AP3B1: variants seen among roughly 807,000 people sequenced by gnomAD.
AP3B1 encodes adaptor related protein complex 3 subunit beta 1.
A neutral mutation model predicts 132.5 loss-of-function variants in AP3B1; 61 were observed. That is an observed-to-expected ratio of 0.46 (90% CI 0.37 to 0.57). The LOEUF (loss-of-function observed/expected upper bound fraction) is 0.57, where lower values mean the gene tolerates loss of function less well. Ranked by LOEUF, AP3B1 falls within the 20% of genes least tolerant of loss-of-function variation. The pLI, the probability that AP3B1 is intolerant of heterozygous loss-of-function variation, is 0.00. For synonymous variants in AP3B1, 388 were observed against 438.3 expected, an observed-to-expected ratio of 0.89 and a Z score of 1.43; for missense variants, 1,120 against 1,289.4, an observed-to-expected ratio of 0.87 and a Z score of 2.01.
chr5:78,178,166 T>C (rs1326109841), intron 8 of AP3B1, among the ~76,000 whole-genome samples: 1 of 152,212 alleles, frequency 6.6e-6, no homozygotes, highest in African/African-American at 2.4e-5. Context: ...GAAGCCAGGA[T>C]AACAGTAACT....
At chr5:78,183,300 G>A (rs1305223084) in intron 7 of AP3B1, among the ~76,000 whole-genome samples, 1 of 152,134 alleles carries the variant, frequency 6.6e-6, no homozygotes, top group Non-Finnish European at 1.5e-5. Flanking sequence ...CCCTGCTAGA[G>A]TGGTATCAAA....
At chr5:78,279,163 A>G (rs1580585147) in intron 1 of AP3B1, among the ~76,000 whole-genome samples, 1 of 152,234 alleles carries the variant, frequency 6.6e-6, no homozygotes, top group African/African-American at 2.4e-5. Context: ...GAAAGGATAC[A>G]TAAGAACTTG....
intron 24 of AP3B1, among the ~76,000 whole-genome samples, chr5:78,030,072 T>A (rs544456184): frequency 6.6e-6 from 1 of 152,202 alleles, no homozygotes; most frequent in Non-Finnish European, 1.5e-5. Flanking sequence ...TATACGTTGA[T>A]AAATTTCGTA....
At chr5:78,037,085 G>A (rs1408104369) in intron 23 of AP3B1, among the ~76,000 whole-genome samples, 2 of 151,992 alleles carry the variant, frequency 1.3e-5, no homozygotes, top group African/African-American at 4.8e-5. Flanking sequence ...CTGAGGCAAT[G>A]GTAAACATTC....
In AP3B1 at chr5:78,010,342, C is replaced by T. The variant is rs75909355; in HGVS notation, c.3131+5068G>A. Among the ~76,000 whole-genome samples the T allele has an allele frequency of 2.6e-3, 392 of 152,298 alleles. 2 individuals are homozygous for T. The highest frequency in any genetic ancestry group is 8.2e-3 in the African/African-American group (339 of 41,562). Reference sequence around the variant, plus strand: ...GACTTCGGAACATTTGCCTTCCAACCACTTGGAGTGCTGCCTAAAATAGAG... The same window carrying T: ...GACTTCGGAACATTTGCCTTCCAACTACTTGGAGTGCTGCCTAAAATAGAG... On this transcript the variant is annotated intron_variant, in intron 26 of 26. Transcript: ENST00000255194.
intron 17 of AP3B1, among the ~76,000 whole-genome samples, chr5:78,116,844 T>G (rs1751860024): frequency 6.6e-6 from 1 of 152,004 alleles, no homozygotes; most frequent in South Asian, 2.1e-4. Flanking sequence ...GCAAACAAAC[T>G]TTGCAAAACA....
intron 2 of AP3B1, among the ~76,000 whole-genome samples, chr5:78,257,753 T>C (rs112048742): frequency 0.036 from 5,436 of 151,812 alleles, 163 homozygotes; most frequent in East Asian, 0.13. Context: ...AGGAATCACA[T>C]TACCTGACTT....
intron 15 of AP3B1, among the ~76,000 whole-genome samples, chr5:78,140,298 G>C (rs1476644741): frequency 6.6e-6 from 1 of 152,110 alleles, no homozygotes; most frequent in Non-Finnish European, 1.5e-5. Context: ...CTACTTAGCA[G>C]AGCATACAAG....
At position 78,177,443 on chromosome 5, in the gene AP3B1, G is replaced by C; in HGVS notation, c.943-7C>G. 4 of 1,604,546 alleles carry C rather than the reference G, an allele frequency of 2.5e-6. No individual in the cohort carries two copies. In the South Asian group the frequency reaches 4.4e-5, roughly 18 times the overall value. ...GAGCAACTGCCATAACCACCTACAA[G>C]ATAAAGCATAAAAATAACAGAACTA... On this transcript the variant is annotated splice_polypyrimidine_tract_variant and splice_region_variant and intron_variant, in intron 8 of 26. Transcript: ENST00000255194.
At chr5:78,279,734 C>T (rs555487223) in intron 1 of AP3B1, among the ~76,000 whole-genome samples, 74 of 149,524 alleles carry the variant, frequency 4.9e-4, no homozygotes, top group Non-Finnish European at 9.9e-4. Context: ...CATAGGGAGA[C>T]CTAATCTCTA....
intron 22 of AP3B1, among the ~76,000 whole-genome samples, chr5:78,056,605 G>A (rs1194108521): frequency 4.6e-5 from 7 of 152,020 alleles, no homozygotes; most frequent in Non-Finnish European, 7.4e-5. Flanking sequence ...CCCTTCCCCC[G>A]CATCTGTTTT....
At chr5:78,125,581 C>T (rs556718466) in intron 17 of AP3B1, among the ~76,000 whole-genome samples, 1 of 151,998 alleles carries the variant, frequency 6.6e-6, no homozygotes, top group South Asian at 2.1e-4. Context: ...AAACTATCTA[C>T]GTTATTTTTA....
chr5:78,277,095 C>A (rs554849951), intron 1 of AP3B1, among the ~76,000 whole-genome samples: 15 of 152,162 alleles, frequency 9.9e-5, no homozygotes, highest in African/African-American at 3.4e-4. Context: ...ATTTAGCTAC[C>A]TGGTATTATT....
At chr5:78,127,487 T>C (rs926988173) in intron 17 of AP3B1, among the ~76,000 whole-genome samples, 1 of 152,140 alleles carries the variant, frequency 6.6e-6, no homozygotes, top group African/African-American at 2.4e-5. Context: ...AGTATTTATA[T>C]AGCAAATTTG....
intron 22 of AP3B1, among the ~76,000 whole-genome samples, chr5:78,080,623 ATTTTTTTTTTT>A (rs66609184): frequency 9.7e-6 from 1 of 103,548 alleles, no homozygotes; most frequent in Admixed American, 1.0e-4. Context: ...TATGCCTCCA[ATTTTTTTTTTT>A]TTTTTTTTTT....
intron 3 of AP3B1, among the ~76,000 whole-genome samples, chr5:78,229,384 A>T (rs1000392203): frequency 6.6e-6 from 1 of 152,136 alleles, no homozygotes; most frequent in African/African-American, 2.4e-5. Context: ...ACCTTCTCAA[A>T]TATCTTCACA....
rs1305633939 is a variant in AP3B1, at chr5:78,039,074, T to C, written c.2778A>G (p.Ile926Met). The change falls in exon 23 of 27, where the codon ATA becomes ATG. Residue 926 changes from isoleucine to methionine, a missense_variant. Physicochemically the swap from Ile to Met is conservative, Grantham distance 10. Transcript: ENST00000255194. ...GATTAAAAACATGCATTTTCATGCC[T>C]ATAGGAAGTTTTTTTTCCCCTATGT... ...NIHIGEKKLP[I>M]GMKMHVFNPI... The C allele has an allele frequency of 1.2e-6, 2 of 1,606,496 alleles. No individual in the cohort carries two copies.
intron 3 of AP3B1, among the ~76,000 whole-genome samples, chr5:78,235,445 G>A (rs114096877): frequency 0.017 from 2,607 of 152,258 alleles, 65 homozygotes; most frequent in African/African-American, 0.059. Flanking sequence ...TATTGGAGAA[G>A]GATTTCTGTG....
At chr5:78,096,201 CG>C (rs1279540780) in intron 21 of AP3B1, among the ~76,000 whole-genome samples, 3 of 152,186 alleles carry the variant, frequency 2.0e-5, no homozygotes, top group Admixed American at 2.0e-4. Flanking sequence ...TTGGTGGAGA[CG>C]GGGTTTCGCT....
Sources: allele counts gnomAD v4.1 joint callset (sites outside exome capture counted in the v4.1 genomes callset), GRCh38; gene constraint gnomAD v4.1.1; transcripts MANE v1.5; gene names NCBI Gene and HGNC (gene_info 2026-07-23, HGNC 2026-07-21).